Variants in FAAH2 observed in about 807,000 individuals in gnomAD.
FAAH2 encodes fatty acid amide hydrolase 2, also known as fatty-acid amide hydrolase 2.
A neutral mutation model predicts 36.9 loss-of-function variants in FAAH2; 60 were observed. The observed-to-expected ratio is 1.63, with a 90% CI of 1.32 to 2.02. The LOEUF (loss-of-function observed/expected upper bound fraction) is 2.02, where lower values mean the gene tolerates loss of function less well. FAAH2 is among the 30% of genes most tolerant of loss of function. FAAH2 has a pLI of 0.00. For missense variants in FAAH2, 689 were observed against 397.5 expected (o/e 1.73, Z -6.23); for synonymous variants, 214 against 143.8 (o/e 1.49, Z -3.49).
intron 6 of FAAH2, 112 bp from the exon 7 acceptor site, chrX:57,380,800 A>G (rs1447429545): frequency 2.2e-6 from 1 of 450,597 alleles, no homozygotes; most frequent in Non-Finnish European, 3.8e-6. Flanking sequence ...TCTGGCACAC[A>G]GTGCTCAGGG....
chrX:57,258,844 G>A, the FAAH2 span, among the ~76,000 whole-genome samples: 1 of 107,244 alleles, frequency 9.3e-6, no homozygotes, highest in African/African-American at 3.4e-5. Context: ...AAGTAGCTGG[G>A]ACTACAGGCA....
chrX:57,228,957 T>G, the FAAH2 span: 1 of 111,814 alleles, frequency 8.9e-6, no homozygotes, highest in Non-Finnish European at 1.9e-5. Context: ...TGACTCTGAT[T>G]TGGATTCAGA....
chrX:57,149,604 TC>T, the FAAH2 span, among the ~76,000 whole-genome samples: 1 of 111,603 alleles, frequency 9.0e-6, no homozygotes, highest in Non-Finnish European at 1.9e-5. Flanking sequence ...GGTGGTGATA[TC>T]CCCTTTGTCA....
At chrX:57,394,222 A>G (rs1337166688) in intron 7 of FAAH2, 3 of 681,010 alleles carry the variant, frequency 4.4e-6, no homozygotes, top group Admixed American at 2.2e-5. Flanking sequence ...GCTGTCGCAC[A>G]CACATAAAAA....
At chrX:57,398,592 C>T (rs1464461080) in intron 7 of FAAH2, among the ~76,000 whole-genome samples, 3 of 109,655 alleles carry the variant, frequency 2.7e-5, no homozygotes, top group Non-Finnish European at 5.7e-5. Context: ...TGAAACAGAG[C>T]TCCCATAAAA....
upstream of FAAH2, among the ~76,000 whole-genome samples, chrX:57,282,000 T>C (rs1343205327): frequency 2.7e-5 from 3 of 112,126 alleles, no homozygotes; most frequent in Non-Finnish European, 5.6e-5. Context: ...TACATGTCTT[T>C]GTTATTGTGA....
At chrX:57,279,534 A>C in the FAAH2 span, among the ~76,000 whole-genome samples, 40 of 111,390 alleles carry the variant, frequency 3.6e-4, 1 homozygote, top group Admixed American at 9.5e-5. Context: ...CAAACCACCA[A>C]GGCACGTGTA....
At chrX:57,409,360 T>G in intron 7 of FAAH2, among the ~76,000 whole-genome samples, 1 of 111,429 alleles carries the variant, frequency 9.0e-6, no homozygotes, top group Non-Finnish European at 1.9e-5. Context: ...TTACCTGTAA[T>G]TTTATTTTTT....
In FAAH2 at chrX:57,341,331, G is replaced by A. The variant is rs1425253456; in HGVS notation, c.683G>A (p.Gly228Asp). ...CSVIGVGSDI[G>D]GSIRMPAFFN... Reference sequence around the variant, plus strand: ...GTTATTGGTGTGGGCTCTGATATTGGTGGTAGCATTCGAATGCCTGCTTTC... The same window carrying A: ...GTTATTGGTGTGGGCTCTGATATTGATGGTAGCATTCGAATGCCTGCTTTC... Residue 228 changes from glycine (G) to aspartate (D), a missense_variant, in exon 5 of 11, where the codon GGT becomes GAT. By Grantham distance (94) the Gly-to-Asp change is moderately conservative. Coordinates refer to ENST00000374900, the MANE Select transcript of FAAH2 (RefSeq NM_174912.4). The A allele has an allele frequency of 8.3e-7, 1 of 1,210,496 alleles. No individual in the cohort carries two copies. The highest frequency in any genetic ancestry group is 1.1e-6 in the Non-Finnish European group (1 of 894,667).
chrX:57,377,785 G>A (rs1229645138), intron 5 of FAAH2, among the ~76,000 whole-genome samples: 1 of 112,207 alleles, frequency 8.9e-6, no homozygotes, highest in Non-Finnish European at 1.9e-5. Flanking sequence ...AGCATGAAAT[G>A]TTTTTCCACT....
chrX:57,305,903 G>A (rs2052508661), intron 2 of FAAH2, among the ~76,000 whole-genome samples: 1 of 111,344 alleles, frequency 9.0e-6, no homozygotes, highest in South Asian at 3.8e-4. Context: ...TTGCAGACTG[G>A]GACACTGTGC....
the FAAH2 span, among the ~76,000 whole-genome samples, chrX:57,226,373 G>A: frequency 8.9e-6 from 1 of 111,957 alleles, no homozygotes; most frequent in African/African-American, 3.2e-5. Context: ...ATATTTGTTT[G>A]TCTGAAAATC....
chrX:57,414,499 T>C (rs1474354677), intron 7 of FAAH2, among the ~76,000 whole-genome samples: 2 of 112,139 alleles, frequency 1.8e-5, no homozygotes, highest in Non-Finnish European at 3.8e-5. Flanking sequence ...ATTGGTTCTG[T>C]TTATGTGATG....
the FAAH2 span, among the ~76,000 whole-genome samples, chrX:57,166,948 G>A: frequency 9.0e-6 from 1 of 111,639 alleles, no homozygotes; most frequent in Non-Finnish European, 1.9e-5. Flanking sequence ...GTTACACTTC[G>A]GTGGAGCTTC....
intron 7 of FAAH2, among the ~76,000 whole-genome samples, chrX:57,411,145 A>G (rs1372868446): frequency 2.7e-5 from 3 of 111,847 alleles, no homozygotes; most frequent in Middle Eastern, 4.6e-3. Flanking sequence ...TTTTCCATGG[A>G]TGTGCCTTCT....
chrX:57,245,950 A>T, the FAAH2 span, among the ~76,000 whole-genome samples: 1 of 111,585 alleles, frequency 9.0e-6, no homozygotes, highest in African/African-American at 3.3e-5. Flanking sequence ...TGTTTTTTTT[A>T]AAGATCAACA....
chrX:57,255,304 A>C, the FAAH2 span, among the ~76,000 whole-genome samples: 2 of 111,939 alleles, frequency 1.8e-5, no homozygotes, highest in Admixed American at 9.5e-5. Flanking sequence ...AACCAAAAAA[A>C]GTCCAGGACC....
intron 3 of FAAH2, among the ~76,000 whole-genome samples, chrX:57,323,565 T>A (rs1187371721): frequency 8.9e-6 from 1 of 112,014 alleles, no homozygotes; most frequent in East Asian, 2.8e-4. Context: ...GGTTTTGATT[T>A]GCATTTCTCT....
chrX:57,374,844 T>A (rs1428516333), intron 5 of FAAH2, among the ~76,000 whole-genome samples: 1 of 111,581 alleles, frequency 9.0e-6, no homozygotes, highest in African/African-American at 3.3e-5. Context: ...TGGCTGTGGG[T>A]TTCCCATAGA....
Sources: gnomAD v4.1 joint callset for allele counts (sites outside exome capture counted in the v4.1 genomes callset) on GRCh38, gnomAD v4.1.1 for gene constraint, MANE v1.5 for transcripts, NCBI Gene and HGNC (gene_info 2026-07-23, HGNC 2026-07-21) for gene names.